The following GTF2IRD1 variants were observed in gnomAD, a reference collection of about 807,000 sequenced individuals.
GTF2IRD1 encodes the protein GTF2I repeat domain containing 1.
A neutral mutation model predicts 113.2 loss-of-function variants in GTF2IRD1; 26 were observed. The observed-to-expected ratio is 0.23, with a 90% CI of 0.17 to 0.32. The LOEUF is 0.32. Ranked by LOEUF, GTF2IRD1 falls within the 10% of genes least tolerant of loss-of-function variation. The pLI is 1.00. For missense variants in GTF2IRD1, 864 were observed against 1,280.8 expected (o/e 0.67, Z 4.97); for synonymous variants, 484 against 529.1 (o/e 0.91, Z 1.17).
chr7:74,565,117 G>A (rs1217616654), intron 22 of GTF2IRD1, among the ~76,000 whole-genome samples: 1 of 152,208 alleles, frequency 6.6e-6, no homozygotes, highest in African/African-American at 2.4e-5. Flanking sequence ...AGCCCTGCCC[G>A]CAAGGGGCTG....
In GTF2IRD1 at chr7:74,508,067, C is replaced by T. The variant is rs1554341597; in HGVS notation, c.-6-8C>T. Reference sequence around the variant, plus strand: ...TGCCCACCACCACTGCCTCCTCCCTCCCCACAGGCGACCATGGCCTTGCTG... The same window carrying T: ...TGCCCACCACCACTGCCTCCTCCCTTCCCACAGGCGACCATGGCCTTGCTG... On this transcript the variant is annotated splice_region_variant and splice_polypyrimidine_tract_variant and intron_variant, in intron 1 of 26. Transcript: ENST00000424337. 2 of 1,602,160 alleles carry T rather than the reference C, an allele frequency of 1.2e-6. No individual in the cohort carries two copies. Among genetic ancestry groups the T allele is most frequent in the East Asian group, 2.2e-5 (1 of 44,834 alleles).
intron 1 of GTF2IRD1, among the ~76,000 whole-genome samples, chr7:74,457,807 C>T (rs1245684652): frequency 6.6e-6 from 1 of 151,778 alleles, no homozygotes; most frequent in African/African-American, 2.4e-5. Flanking sequence ...AGAAGACCTG[C>T]AGGGCCAATT....
At chr7:74,585,870 G>A (rs1562893344) in intron 22 of GTF2IRD1, among the ~76,000 whole-genome samples, 1 of 151,370 alleles carries the variant, frequency 6.6e-6, no homozygotes, top group African/African-American at 2.4e-5. Flanking sequence ...CTGGGTGACA[G>A]AGCAAGACTC....
At chr7:74,470,872 C>T (rs536089137) in intron 1 of GTF2IRD1, among the ~76,000 whole-genome samples, 43 of 152,148 alleles carry the variant, frequency 2.8e-4, no homozygotes, top group South Asian at 1.2e-3. Context: ...GGCGTGATCT[C>T]GGCTCACTGC....
chr7:74,568,386 C>T (rs1245964038), intron 22 of GTF2IRD1, among the ~76,000 whole-genome samples: 2 of 148,210 alleles, frequency 1.3e-5, no homozygotes, highest in African/African-American at 2.5e-5. Context: ...TGGTGGCTCA[C>T]GCCTATAATC....
intron 19 of GTF2IRD1, 35 bp from the exon 20 acceptor site, chr7:74,557,604 A>G (rs782720611): frequency 2.0e-6 from 3 of 1,501,816 alleles, no homozygotes; most frequent in Admixed American, 3.6e-5. Context: ...TTTTCACTCA[A>G]CAGCCCAAAC....
intron 1 of GTF2IRD1, among the ~76,000 whole-genome samples, chr7:74,496,485 ATGTGTG>A (rs201962320): frequency 6.5e-5 from 6 of 92,820 alleles, no homozygotes; most frequent in African/African-American, 1.2e-4. Context: ...GTGTGCACGT[ATGTGTG>A]TGTGTGTGTG....
At chr7:74,543,916 G>A (rs1370015515) in intron 14 of GTF2IRD1, among the ~76,000 whole-genome samples, 1 of 150,848 alleles carries the variant, frequency 6.6e-6, no homozygotes, top group Admixed American at 6.6e-5. Context: ...GGATGTGGTG[G>A]TACCTACCTG....
intron 17 of GTF2IRD1, among the ~76,000 whole-genome samples, chr7:74,553,476 AG>A (rs1799424302): frequency 6.6e-6 from 1 of 151,750 alleles, no homozygotes; most frequent in Admixed American, 6.6e-5. Context: ...TTTGTAGAGA[AG>A]GGGTCTCGCT....
intron 1 of GTF2IRD1, among the ~76,000 whole-genome samples, chr7:74,498,756 T>C (rs1795865732): frequency 6.6e-6 from 1 of 150,930 alleles, no homozygotes; most frequent in Non-Finnish European, 1.5e-5. Flanking sequence ...TAAGATGGAC[T>C]CTCACTCTTT....
chr7:74,578,552 G>A (rs1251007138), intron 22 of GTF2IRD1, among the ~76,000 whole-genome samples: 1 of 152,236 alleles, frequency 6.6e-6, no homozygotes, highest in African/African-American at 2.4e-5. Flanking sequence ...AGCTTTGGTT[G>A]ACATAATGCT....
chr7:74,573,005 G>A (rs2130879177), intron 22 of GTF2IRD1, among the ~76,000 whole-genome samples: 1 of 152,200 alleles, frequency 6.6e-6, no homozygotes, highest in South Asian at 2.1e-4. Context: ...GGGAGACCCT[G>A]CCCTTTTCTG....
At chr7:74,531,181 G>C (rs1797944533) in intron 9 of GTF2IRD1, among the ~76,000 whole-genome samples, 1 of 152,078 alleles carries the variant, frequency 6.6e-6, no homozygotes, top group Non-Finnish European at 1.5e-5. Context: ...GACCAGCCCG[G>C]CCAACATGGT....
At chr7:74,468,030 G>A (rs532109721) in intron 1 of GTF2IRD1, among the ~76,000 whole-genome samples, 14 of 152,200 alleles carry the variant, frequency 9.2e-5, no homozygotes, top group African/African-American at 3.1e-4. Flanking sequence ...CGGCGGTGAC[G>A]AGGCCTGATT....
At chr7:74,599,098 C>A (rs1802592355) in intron 25 of GTF2IRD1, among the ~76,000 whole-genome samples, 1 of 152,098 alleles carries the variant, frequency 6.6e-6, no homozygotes, top group South Asian at 2.1e-4. Flanking sequence ...AGTTCAAGAC[C>A]AGACTGGGCA....
chr7:74,565,835 A>T (rs1197845359), intron 22 of GTF2IRD1, among the ~76,000 whole-genome samples: 1 of 152,056 alleles, frequency 6.6e-6, no homozygotes, highest in Non-Finnish European at 1.5e-5. Context: ...TTAGCTGGGC[A>T]TGGTGGTGGG....
At chr7:74,588,095 T>TC (rs747015533) in intron 22 of GTF2IRD1, among the ~76,000 whole-genome samples, 6 of 150,664 alleles carry the variant, frequency 4.0e-5, no homozygotes, top group Non-Finnish European at 8.9e-5. Flanking sequence ...TTTCTTTTTT[T>TC]CTTTTCTTTT....
At chr7:74,557,804 G>C (rs2130772150) in intron 20 of GTF2IRD1, 82 bp downstream of exon 20, 1 of 820,830 alleles carries the variant, frequency 1.2e-6, no homozygotes, top group Admixed American at 2.3e-5. Flanking sequence ...CCAGCCGAGG[G>C]CATTTCTGGG....
rs782013149 is a variant in GTF2IRD1 at position 74,586,481 on chromosome 7, G to T, written c.2321-3370G>T. 1.2e-4 allele frequency among the ~76,000 whole-genome samples: 19 copies of T among 152,342 alleles called. No homozygotes were observed. In the East Asian group the frequency reaches 1.3e-3, roughly 11 times the overall value. ...GTTTGCAGTGTCTCTGGGCACGCAG[G>T]GGGGCTGGCGGGCCGTGCCTGAAGA... On this transcript the variant is annotated intron_variant, in intron 22 of 26. Coordinates refer to ENST00000424337, the MANE Select transcript of GTF2IRD1 (RefSeq NM_005685.4).
Sources: gnomAD v4.1 joint callset for allele counts (sites outside exome capture counted in the v4.1 genomes callset) on GRCh38, gnomAD v4.1.1 for gene constraint, MANE v1.5 for transcripts, NCBI Gene and HGNC (gene_info 2026-07-23, HGNC 2026-07-21) for gene names.